The following IGF1R variants were observed in gnomAD, a reference collection of about 807,000 sequenced individuals.
IGF1R encodes insulin like growth factor 1 receptor, also known as insulin-like growth factor 1 receptor.
IGF1R carries 44 observed loss-of-function variants against 144.6 expected under a neutral mutation model. That is an observed-to-expected ratio of 0.30 (90% confidence interval 0.24 to 0.39). IGF1R has a LOEUF of 0.39. IGF1R is among the 10% of genes least tolerant of loss of function. IGF1R has a pLI of 1.00. For missense variants in IGF1R, 1,355 were observed against 1,833.7 expected (o/e 0.74, Z 4.77); for synonymous variants, 795 against 722.8 (o/e 1.10, Z -1.60).
At chr15:98,900,092 G>C (rs2014406849) in intron 5 of IGF1R, among the ~76,000 whole-genome samples, 1 of 152,204 alleles carries the variant, frequency 6.6e-6, no homozygotes, top group Admixed American at 6.5e-5. Context: ...CGTTTTGTTA[G>C]AAAGAAACCC....
chr15:98,844,344 G>C (rs1048502702), intron 2 of IGF1R, among the ~76,000 whole-genome samples: 34 of 152,030 alleles, frequency 2.2e-4, no homozygotes, highest in Admixed American at 1.4e-3. Context: ...TTATACGTTG[G>C]GATAAGAGAA....
At chr15:98,785,721 A>C (rs931775022) in intron 2 of IGF1R, among the ~76,000 whole-genome samples, 1 of 152,072 alleles carries the variant, frequency 6.6e-6, no homozygotes, top group African/African-American at 2.4e-5. Context: ...TATTGATGCA[A>C]ATATTCTCTA....
chr15:98,806,033 G>C (rs1000987373), intron 2 of IGF1R, among the ~76,000 whole-genome samples: 7 of 152,180 alleles, frequency 4.6e-5, no homozygotes, highest in African/African-American at 1.7e-4. Context: ...GAAAGGTTGA[G>C]AGTTTGTTGC....
At chr15:98,746,058 GCCCTGCAC>G (rs1353983202) in intron 2 of IGF1R, among the ~76,000 whole-genome samples, 1 of 152,204 alleles carries the variant, frequency 6.6e-6, no homozygotes, top group Non-Finnish European at 1.5e-5. Flanking sequence ...CCACAAGTAT[GCCCTGCAC>G]CCCTGTGAAT....
Position 98,922,289 on chromosome 15 carries a change from A to G in IGF1R, c.2343A>G (p.Arg781=), listed in dbSNP as rs760906161. Reference sequence around the variant, plus strand: ...CAGAGTACCCTTTCTTTGAGAGCAGAGTGGATAACAAGGAGAGAACTGTCA... The same window carrying G: ...CAGAGTACCCTTTCTTTGAGAGCAGGGTGGATAACAAGGAGAGAACTGTCA... ...LETEYPFFES[R]VDNKERTVIS... Residue 781 remains arginine (R), a synonymous_variant, in exon 11 of 21, where the codon AGA becomes AGG. Coordinates refer to ENST00000650285, the MANE Select transcript of IGF1R (RefSeq NM_000875.5). The G allele has an allele frequency of 1.2e-6, 2 of 1,614,156 alleles. No individual in the cohort carries two copies. Among genetic ancestry groups the G allele is most frequent in the South Asian group, 2.2e-5 (2 of 91,080 alleles).
chr15:98,834,999 AT>A (rs1339754333), intron 2 of IGF1R, among the ~76,000 whole-genome samples: 18 of 152,014 alleles, frequency 1.2e-4, no homozygotes, highest in African/African-American at 4.4e-4. Flanking sequence ...TTATAGGCTT[AT>A]ATTGAGTGAA....
At chr15:98,928,016 A>C (rs1424184989) in intron 13 of IGF1R, among the ~76,000 whole-genome samples, 1 of 152,148 alleles carries the variant, frequency 6.6e-6, no homozygotes, top group African/African-American at 2.4e-5. Context: ...CTTGTAATCC[A>C]TTTGTTACCC....
intron 19 of IGF1R, 144 bp from the exon 20 acceptor site, chr15:98,948,430 G>A: frequency 1.2e-6 from 1 of 857,394 alleles, no homozygotes; most frequent in Non-Finnish European, 2.0e-6. Flanking sequence ...ACTTAGCCCA[G>A]GGCCTGGCTC....
intron 2 of IGF1R, among the ~76,000 whole-genome samples, chr15:98,857,660 T>G (rs1037899710): frequency 6.6e-6 from 1 of 152,226 alleles, no homozygotes; most frequent in African/African-American, 2.4e-5. Flanking sequence ...TAGCCACATG[T>G]GGCTATGGAG....
chr15:98,800,026 C>T (rs142344842), intron 2 of IGF1R, among the ~76,000 whole-genome samples: 122 of 152,308 alleles, frequency 8.0e-4, no homozygotes, highest in Admixed American at 1.3e-3. Flanking sequence ...TAAATTAGAA[C>T]ATGCTCTTGT....
At chr15:98,811,078 A>T (rs2056579860) in intron 2 of IGF1R, among the ~76,000 whole-genome samples, 1 of 151,938 alleles carries the variant, frequency 6.6e-6, no homozygotes, top group Admixed American at 6.6e-5. Flanking sequence ...AGGCGGCCGG[A>T]TCACCTGAGG....
chr15:98,961,359 T>G lies in IGF1R; in HGVS notation c.*3917T>G, dbSNP rs1389320635. On this transcript the variant is annotated 3_prime_UTR_variant, in exon 21 of 21. Transcript: ENST00000650285. ...TAGGTAGCTTTTAAGTAGAAAACAC[T>G]AACAGTGTAGTGCCCATCATAGCAA... The G allele has an allele frequency of 4.3e-6, 1 of 233,426 alleles. No homozygotes were observed. Among genetic ancestry groups the G allele is most frequent in the African/African-American group, 2.2e-5 (1 of 45,354 alleles). 14.5% of individuals were successfully genotyped at this position (233,426 alleles called of 1,614,324 possible). A position where few individuals can be genotyped will look rare whatever the true frequency, so the allele number is the denominator to read the frequency against.
At chr15:98,716,674 G>C (rs554857062) in intron 2 of IGF1R, among the ~76,000 whole-genome samples, 2 of 152,186 alleles carry the variant, frequency 1.3e-5, no homozygotes, top group Admixed American at 1.3e-4. Context: ...GGAGTAGGCA[G>C]AAGAACAGAA....
chr15:98,875,216 C>A (rs2012995795), intron 2 of IGF1R, among the ~76,000 whole-genome samples: 1 of 149,860 alleles, frequency 6.7e-6, no homozygotes. Context: ...TGAAGAAGGC[C>A]AAAAAAAAAA....
At chr15:98,867,389 A>G (rs2012512507) in intron 2 of IGF1R, among the ~76,000 whole-genome samples, 1 of 152,188 alleles carries the variant, frequency 6.6e-6, no homozygotes, top group Non-Finnish European at 1.5e-5. Context: ...GTGATTTATA[A>G]TTTTCTGTTG....
chr15:98,736,755 G>A (rs556899675), intron 2 of IGF1R, among the ~76,000 whole-genome samples: 2 of 151,936 alleles, frequency 1.3e-5, no homozygotes, highest in East Asian at 3.9e-4. Context: ...GGGATTACAG[G>A]CATCTGCCAC....
intron 2 of IGF1R, among the ~76,000 whole-genome samples, chr15:98,785,948 T>C (rs115886585): frequency 8.8e-4 from 134 of 152,314 alleles, no homozygotes; most frequent in Middle Eastern, 3.4e-3. Flanking sequence ...AAAGAGTCAG[T>C]TGGTTGCGGC....
chr15:98,661,672 C>A (rs960758320), intron 1 of IGF1R, among the ~76,000 whole-genome samples: 1 of 152,162 alleles, frequency 6.6e-6, no homozygotes, highest in South Asian at 2.1e-4. Flanking sequence ...TCACTGTCTC[C>A]CTCTCTCCCA....
chr15:98,700,884 A>G (rs1596204515), intron 1 of IGF1R, among the ~76,000 whole-genome samples: 1 of 151,884 alleles, frequency 6.6e-6, no homozygotes, highest in East Asian at 1.9e-4. Context: ...CCTTGTCTTT[A>G]TGTTCCCAGG....
Sources: allele counts gnomAD v4.1 joint callset (sites outside exome capture counted in the v4.1 genomes callset), GRCh38; gene constraint gnomAD v4.1.1; transcripts MANE v1.5; gene names NCBI Gene and HGNC (gene_info 2026-07-23, HGNC 2026-07-21).